Variants in IFT140 observed in about 807,000 individuals in gnomAD.
IFT140 encodes intraflagellar transport 140, also known as intraflagellar transport protein 140 homolog.
A neutral mutation model predicts 164.6 loss-of-function variants in IFT140; 133 were observed. The ratio of observed to expected loss-of-function variants is 0.81; its 90% CI spans 0.70 to 0.93. The LOEUF is 0.93. Ranked by LOEUF, IFT140 falls within the 40% of genes least tolerant of loss-of-function variation. The pLI is 0.00. For missense variants in IFT140, 2,045 were observed against 1,972.3 expected (o/e 1.04, Z -0.70); for synonymous variants, 860 against 817.3 (o/e 1.05, Z -0.89).
intron 4 of IFT140, among the ~76,000 whole-genome samples, chr16:1,598,511 G>A (rs909931757): frequency 3.9e-5 from 6 of 152,120 alleles, no homozygotes; most frequent in African/African-American, 1.4e-4. Context: ...ATCCTTGATA[G>A]CAAGAGAAAC....
rs1445054163 is a variant in IFT140 at position 1,531,174 on chromosome 16, G to A, written c.2400-4378C>T. ...GTGCATCTGACATAAATTCCAAGAA[G>A]TAAACACCCTCTTAGTTCCCATCCA... On this transcript the variant is annotated intron_variant, in intron 19 of 30. Coordinates refer to ENST00000426508, the MANE Select transcript of IFT140 (RefSeq NM_014714.4). This position sits in a 1 kb window ranked among gnomAD's most constrained non-coding sequence, Gnocchi z 4.7. 2.0e-5 allele frequency: 3 copies of A among 152,240 alleles called. No homozygotes were observed. The highest frequency in any genetic ancestry group is 7.2e-5 in the African/African-American group (3 of 41,470). 9.4% of individuals were successfully genotyped at this position (152,240 alleles called of 1,614,324 possible).
intron 15 of IFT140, among the ~76,000 whole-genome samples, chr16:1,567,500 G>C (rs1257677347): frequency 1.3e-5 from 2 of 152,176 alleles, no homozygotes; most frequent in Non-Finnish European, 1.5e-5. Context: ...GAGCTCCACA[G>C]CAGCGCAGTG....
chr16:1,584,505 G>A (rs540066654), intron 10 of IFT140, 85 bp from the exon 11 acceptor site: 21 of 1,046,324 alleles, frequency 2.0e-5, no homozygotes, highest in African/African-American at 1.3e-4. Flanking sequence ...TTACACACAC[G>A]AGAACTCAGA....
rs1156907218 is a variant in IFT140 at position 1,553,078 on chromosome 16, A to G, written c.2399+4857T>C. 1 of 985,336 alleles carries G rather than the reference A, an allele frequency of 1.0e-6. No homozygotes were observed. The highest frequency in any genetic ancestry group is 1.2e-6 in the Non-Finnish European group (1 of 829,942). 61.0% of individuals were successfully genotyped at this position (985,336 alleles called of 1,614,324 possible). A position where few individuals can be genotyped will look rare whatever the true frequency, so the allele number is the denominator to read the frequency against. ...TCATTGTTCAGGACAAAATGGAGATAGATAAATGCTTAATTCATACTTTCT... is the reference window on the plus strand; with the variant it reads ...TCATTGTTCAGGACAAAATGGAGATGGATAAATGCTTAATTCATACTTTCT... On this transcript the variant is annotated intron_variant, in intron 19 of 30. Coordinates refer to ENST00000426508, the MANE Select transcript of IFT140 (RefSeq NM_014714.4). The surrounding 1 kb of genome is among the most constrained non-coding windows in gnomAD (Gnocchi z 4.4).
At position 1,571,517 on chromosome 16, in the gene IFT140, G is replaced by A. The variant is rs141542834; in HGVS notation, c.1542C>T (p.Leu514=). The A allele has an allele frequency of 1.2e-6, 2 of 1,612,696 alleles. No individual in the cohort carries two copies. ...TCCCCTCAGTCTCCGAGAAAAGGAGGAGTTGTTTGACAGTCCCCTGAGGAA... is the reference window on the plus strand; with the variant it reads ...TCCCCTCAGTCTCCGAGAAAAGGAGAAGTTGTTTGACAGTCCCCTGAGGAA... ...VRTWQGTVKQ[L]LLFSETEGNP... The change falls in exon 14 of 31, where the codon CTC becomes CTT. Residue 514 remains leucine, a synonymous_variant. Transcript: ENST00000426508.
chr16:1,542,212 A>G, intron 19 of IFT140: 1 of 987,296 alleles, frequency 1.0e-6, no homozygotes, highest in Non-Finnish European at 1.4e-6. Context: ...CAGGCCACTG[A>G]GAAGCCCCAT....
rs928491181 is a variant in IFT140, at chr16:1,553,707, C to G, written c.2399+4228G>C. 9.0e-7 allele frequency: 1 copy of G among 1,110,652 alleles called. No individual in the cohort carries two copies. The highest frequency in any genetic ancestry group is 1.1e-6 in the Non-Finnish European group (1 of 899,400). The allele number at this position is 1,110,652 out of a possible 1,614,324, so 68.8% of individuals were successfully genotyped here. A position where few individuals can be genotyped will look rare whatever the true frequency, so the allele number is the denominator to read the frequency against. On this transcript the variant is annotated intron_variant, in intron 19 of 30. Coordinates refer to ENST00000426508, the MANE Select transcript of IFT140 (RefSeq NM_014714.4). The surrounding 1 kb of genome is among the most constrained non-coding windows in gnomAD (Gnocchi z 4.4). Reference sequence around the variant, plus strand: ...GAAGGCTGGCTGGAGGCCCCATGGCCTCCAGGACAATCTGTGGCCACATCC... The same window carrying G: ...GAAGGCTGGCTGGAGGCCCCATGGCGTCCAGGACAATCTGTGGCCACATCC...
chr16:1,525,964 G>T lies in IFT140; in HGVS notation c.2691C>A (p.Arg897=), dbSNP rs776456361. 3 of 1,585,782 alleles carry T rather than the reference G, an allele frequency of 1.9e-6. No individual in the cohort carries two copies. The highest frequency in any genetic ancestry group is 1.7e-6 in the Non-Finnish European group (2 of 1,167,240). ...GGTGGTAGGTGCTGCGCAGGTGCAC[G>T]CGATCGTGGTGCTCGGCTACCTGGA... ...EALQVAEHHD[R]VHLRSTYHRY... The change falls in exon 21 of 31, where the codon CGC becomes CGA. Residue 897 remains arginine, a synonymous_variant. Transcript: ENST00000426508.
rs1567386464 is a variant in IFT140 at position 1,571,534 on chromosome 16, CCT to C, written c.1525-2_1525-1del. 1 of 1,609,316 alleles carries C rather than the reference CCT, an allele frequency of 6.2e-7. No homozygotes were observed. The highest frequency in any genetic ancestry group is 8.5e-7 in the Non-Finnish European group (1 of 1,178,578). On this transcript the variant is annotated splice_acceptor_variant, in intron 13 of 30. Transcript: ENST00000426508. LOFTEE classifies it high-confidence loss of function. Reference sequence around the variant, plus strand: ...AAAAGGAGGAGTTGTTTGACAGTCCCCTGAGGAAAAGGAACAAGAAATGGATA... The same window carrying C: ...AAAAGGAGGAGTTGTTTGACAGTCCCGAGGAAAAGGAACAAGAAATGGATA...
At chr16:1,571,585 T>A (rs760031396) in intron 13 of IFT140, 51 bp from the exon 14 acceptor site, 2 of 1,560,642 alleles carry the variant, frequency 1.3e-6, no homozygotes, top group East Asian at 4.5e-5. Context: ...TTACTGAACA[T>A]TGTTCACAGA....
intron 13 of IFT140, chr16:1,578,499 C>CT (rs1366635474): frequency 6.6e-6 from 1 of 151,650 alleles, no homozygotes; most frequent in African/African-American, 2.4e-5. Context: ...GTCCCAGATG[C>CT]TTGCAGGGCT....
At chr16:1,562,193 C>T in intron 17 of IFT140, 77 bp from the exon 18 acceptor site, 4 of 1,315,152 alleles carry the variant, frequency 3.0e-6, no homozygotes, top group Non-Finnish European at 4.1e-6. Flanking sequence ...TGCCATTTTG[C>T]TACACACACT....
intron 19 of IFT140, among the ~76,000 whole-genome samples, chr16:1,544,944 G>A (rs560648961): frequency 4.6e-5 from 7 of 152,272 alleles, no homozygotes; most frequent in Non-Finnish European, 7.4e-5. Flanking sequence ...CACGGCACCC[G>A]GCCCAGATCA....
In IFT140 at chr16:1,586,250, T is replaced by C. The variant is rs1312876643; in HGVS notation, c.1035A>G (p.Arg345=). 4.3e-6 allele frequency: 7 copies of C among 1,613,666 alleles called. No homozygotes were observed. The highest frequency in any genetic ancestry group is 5.9e-6 in the Non-Finnish European group (7 of 1,179,900). The part of the protein sequence containing the change: ...VKGLLAAGTD[R]GRVAMWRKVP... ...CTTTCCTCCACATGGCTACTCGCCC[T>C]CTGTCGGTACCAGCGGCCAGAAGAC... The change falls in exon 10 of 31, where the codon AGA becomes AGG. Residue 345 remains arginine (R), a synonymous_variant. Transcript: ENST00000426508.
intron 19 of IFT140, among the ~76,000 whole-genome samples, chr16:1,546,711 G>A (rs1040876500): frequency 1.3e-5 from 2 of 152,178 alleles, no homozygotes; most frequent in African/African-American, 4.8e-5. Flanking sequence ...GGGCCCTCCC[G>A]CCCGCAGCTC....
chr16:1,556,646 A>G (rs1409567980), intron 19 of IFT140, among the ~76,000 whole-genome samples: 1 of 152,182 alleles, frequency 6.6e-6, no homozygotes, highest in Non-Finnish European at 1.5e-5. Context: ...TCTATGACAC[A>G]CTCAGCACAC....
chr16:1,568,098 C>A, intron 15 of IFT140, 119 bp downstream of exon 15: 1 of 716,882 alleles, frequency 1.4e-6, no homozygotes. Context: ...TGGGGCTGAA[C>A]AGAACACAGG....
rs1365967388 is a variant in IFT140 at position 1,599,001 on chromosome 16, G to A, written c.369+3369C>T. Among the ~76,000 whole-genome samples, 3 of 132,332 alleles carry A rather than the reference G, an allele frequency of 2.3e-5. No individual in the cohort carries two copies. The East Asian group carries it at 6.8e-4, about 30-fold the overall frequency. 86.8% of individuals were successfully genotyped at this position (132,332 alleles called of 152,430 possible). On this transcript the variant is annotated intron_variant, in intron 4 of 30. Coordinates refer to ENST00000426508, the MANE Select transcript of IFT140 (RefSeq NM_014714.4). ...TCTTCCCAGCCGCCATCACATCTAGGAAGTGAGGAGCGTCTCTGCCCGGCC... is the reference window on the plus strand; with the variant it reads ...TCTTCCCAGCCGCCATCACATCTAGAAAGTGAGGAGCGTCTCTGCCCGGCC...
chr16:1,599,817 A>G lies in IFT140; in HGVS notation c.369+2553T>C, dbSNP rs865907091. Among the ~76,000 whole-genome samples, 98 of 48,636 alleles carry G rather than the reference A, an allele frequency of 2.0e-3. 2 individuals are homozygous for G. Among genetic ancestry groups the G allele is most frequent in the Non-Finnish European group, 2.8e-3 (80 of 28,898 alleles). The allele number at this position is 48,636 out of a possible 152,430, so 31.9% of individuals were successfully genotyped here. On this transcript the variant is annotated intron_variant, in intron 4 of 30. Transcript: ENST00000426508. ...CCCCGCCCGGCCAGCCGCCCCGTCC[A>G]GGAGGGAGGTGGGGGGGTCAGCCCC...
Sources: gnomAD v4.1 joint callset for allele counts (sites outside exome capture counted in the v4.1 genomes callset) on GRCh38, gnomAD v4.1.1 for gene constraint, Gnocchi (gnomAD v3.1) non-coding constraint, MANE v1.5 for transcripts, NCBI Gene and HGNC (gene_info 2026-07-23, HGNC 2026-07-21) for gene names.